Variants in CAMSAP1 observed in about 807,000 individuals in gnomAD.
The protein encoded by CAMSAP1 is calmodulin regulated spectrin associated protein 1.
A neutral mutation model predicts 143.5 loss-of-function variants in CAMSAP1; 58 were observed. The observed-to-expected ratio is 0.40, with a 90% CI of 0.33 to 0.50. CAMSAP1 has a LOEUF of 0.50. Ranked by LOEUF, CAMSAP1 falls within the 20% of genes least tolerant of loss-of-function variation. The probability of loss-of-function intolerance (pLI) is 0.45; values close to 1 mark genes in which losing one functional copy is unlikely to be tolerated. For missense variants in CAMSAP1, 1,969 were observed against 2,115.7 expected, an observed-to-expected ratio of 0.93 and a Z score of 1.36; for synonymous variants, 945 against 859.3, an observed-to-expected ratio of 1.10 and a Z score of -1.74.
chr9:135,835,781 C>T (rs770714927), intron 7 of CAMSAP1, among the ~76,000 whole-genome samples: 42 of 152,202 alleles, frequency 2.8e-4, no homozygotes, highest in Non-Finnish European at 4.7e-4. Context: ...GAGTTCTAGA[C>T]CAGCCTGGCC....
At chr9:135,893,781 G>A (rs1838362183) in intron 1 of CAMSAP1, among the ~76,000 whole-genome samples, 1 of 152,164 alleles carries the variant, frequency 6.6e-6, no homozygotes, top group South Asian at 2.1e-4. Context: ...GAAATCCAAA[G>A]ACAAAGAGAA....
chr9:135,833,078 C>CTTT (rs56081448), intron 7 of CAMSAP1, among the ~76,000 whole-genome samples: 3 of 96,528 alleles, frequency 3.1e-5, no homozygotes, highest in Non-Finnish European at 6.1e-5. Flanking sequence ...CCACAGTAAT[C>CTTT]TTTTTTTTTT....
intron 1 of CAMSAP1, among the ~76,000 whole-genome samples, chr9:135,888,281 G>A (rs956131683): frequency 2.6e-5 from 4 of 152,242 alleles, no homozygotes; most frequent in African/African-American, 9.6e-5. Context: ...TTACTGCAAT[G>A]AGGATGAAAA....
chr9:135,863,350 G>A (rs939686882), intron 4 of CAMSAP1, among the ~76,000 whole-genome samples: 1 of 152,200 alleles, frequency 6.6e-6, no homozygotes, highest in Non-Finnish European at 1.5e-5. Context: ...ACTGAGGGCA[G>A]GACACTCAGC....
At chr9:135,903,167 G>GTGCTA (rs1369434515) in intron 1 of CAMSAP1, among the ~76,000 whole-genome samples, 6 of 152,186 alleles carry the variant, frequency 3.9e-5, no homozygotes, top group Admixed American at 6.5e-5. Flanking sequence ...CTAGTCCAGC[G>GTGCTA]TGCTATGCGG....
intron 14 of CAMSAP1, among the ~76,000 whole-genome samples, chr9:135,816,958 G>A (rs1352467141): frequency 6.6e-6 from 1 of 152,160 alleles, no homozygotes; most frequent in Non-Finnish European, 1.5e-5. Context: ...GGGCCCACCT[G>A]AGAGGCTGCG....
At chr9:135,899,365 G>A (rs1489091568) in intron 1 of CAMSAP1, among the ~76,000 whole-genome samples, 2 of 150,954 alleles carry the variant, frequency 1.3e-5, no homozygotes, top group Non-Finnish European at 2.9e-5. Flanking sequence ...GAGACAGGAG[G>A]ATCTCTTGAG....
At position 135,818,734 on chromosome 9, in the gene CAMSAP1, G is replaced by A; in HGVS notation, c.3960-118C>T. The A allele has an allele frequency of 7.8e-7, 1 of 1,276,282 alleles. No homozygotes were observed. Among genetic ancestry groups the A allele is most frequent in the Non-Finnish European group, 1.1e-6 (1 of 939,724 alleles). The allele number at this position is 1,276,282 out of a possible 1,614,324, so 79.1% of individuals were successfully genotyped here. A position where few individuals can be genotyped will look rare whatever the true frequency, so the allele number is the denominator to read the frequency against. ...TTCTCCCCGGCCGCTGGGACCAAGA[G>A]TGGCCAGCCTCCACAAGCGGGACAC... On this transcript the variant is annotated intron_variant, in intron 12 of 16. Transcript: ENST00000389532. The surrounding 1 kb of genome is among the most constrained non-coding windows in gnomAD (Gnocchi z 7.7).
chr9:135,809,634 T>A lies in CAMSAP1; in HGVS notation c.*1675A>T, dbSNP rs1259305648. Reference sequence around the variant, plus strand: ...CATCTTAGTGCTTTCTTAAAATAAATACAGTAATATCATATCAAACATACA... The same window carrying A: ...CATCTTAGTGCTTTCTTAAAATAAAAACAGTAATATCATATCAAACATACA... On this transcript the variant is annotated 3_prime_UTR_variant, in exon 17 of 17. Transcript: ENST00000389532. 1 of 152,614 alleles carries A rather than the reference T, an allele frequency of 6.6e-6. No homozygotes were observed. Among genetic ancestry groups the A allele is most frequent in the African/African-American group, 2.4e-5 (1 of 41,430 alleles). 9.5% of individuals were successfully genotyped at this position (152,614 alleles called of 1,614,324 possible). A position where few individuals can be genotyped will look rare whatever the true frequency, so the allele number is the denominator to read the frequency against.
chr9:135,867,892 A>G (rs1837435246), intron 3 of CAMSAP1, among the ~76,000 whole-genome samples: 1 of 152,218 alleles, frequency 6.6e-6, no homozygotes, highest in Non-Finnish European at 1.5e-5. Context: ...CCCTGCAAAC[A>G]ACCCCAAGAC....
At chr9:135,813,162 C>T (rs564241103) in intron 16 of CAMSAP1, among the ~76,000 whole-genome samples, 44 of 152,204 alleles carry the variant, frequency 2.9e-4, no homozygotes, top group Non-Finnish European at 5.7e-4. Flanking sequence ...GAGGCCTTCC[C>T]AGGAATCTCA....
At chr9:135,897,878 G>T (rs564393557) in intron 1 of CAMSAP1, among the ~76,000 whole-genome samples, 13 of 152,292 alleles carry the variant, frequency 8.5e-5, no homozygotes, top group African/African-American at 2.9e-4. Flanking sequence ...GATAACAGGG[G>T]ACTACTATAT....
intron 7 of CAMSAP1, among the ~76,000 whole-genome samples, chr9:135,840,214 G>A (rs1836289067): frequency 6.6e-6 from 1 of 152,184 alleles, no homozygotes; most frequent in African/African-American, 2.4e-5. Flanking sequence ...GTTGGCAGTA[G>A]GACCCACTGC....
At chr9:135,865,578 T>A (rs144933061) in intron 4 of CAMSAP1, among the ~76,000 whole-genome samples, 99 of 152,348 alleles carry the variant, frequency 6.5e-4, no homozygotes, top group African/African-American at 2.4e-3. Context: ...ACAACACTAT[T>A]CTTTGCAGTA....
chr9:135,850,303 C>T lies in CAMSAP1; in HGVS notation c.948+19G>A, dbSNP rs748229753. On this transcript the variant is annotated intron_variant, in intron 6 of 16. Transcript: ENST00000389532. Reference sequence around the variant, plus strand: ...TCACACATGGTTTTAAAACTGCATGCCAAATAATTCGTTATTACCTTCAAC... The same window carrying T: ...TCACACATGGTTTTAAAACTGCATGTCAAATAATTCGTTATTACCTTCAAC... 6.2e-7 allele frequency: 1 copy of T among 1,610,088 alleles called. No homozygotes were observed. Among genetic ancestry groups the T allele is most frequent in the South Asian group, 1.1e-5 (1 of 90,352 alleles).
intron 15 of CAMSAP1, among the ~76,000 whole-genome samples, chr9:135,815,537 C>T (rs532124478): frequency 1.3e-5 from 2 of 152,360 alleles, no homozygotes; most frequent in Admixed American, 6.5e-5. Context: ...TACACCTCAG[C>T]CACAGCAGCA....
chr9:135,856,991 T>G (rs962666029), intron 5 of CAMSAP1, among the ~76,000 whole-genome samples: 2 of 152,200 alleles, frequency 1.3e-5, no homozygotes, highest in Non-Finnish European at 2.9e-5. Flanking sequence ...CCCAGTCATC[T>G]TCCTTCCAGG....
intron 3 of CAMSAP1, among the ~76,000 whole-genome samples, chr9:135,872,366 G>A (rs950724730): frequency 6.6e-6 from 1 of 151,964 alleles, no homozygotes; most frequent in African/African-American, 2.4e-5. Context: ...AGCCTGTGAC[G>A]GTCTAAAGAT....
rs754241814 is a variant in CAMSAP1, at chr9:135,850,429, C to A, written c.841G>T (p.Asp281Tyr). 1.9e-6 allele frequency: 3 copies of A among 1,599,542 alleles called. No individual in the cohort carries two copies. The highest frequency in any genetic ancestry group is 2.6e-6 in the Non-Finnish European group (3 of 1,175,856). Reference protein sequence around the residue: ...ICLKEVTSMADSLYNIRLLRE... With the variant: ...ICLKEVTSMAYSLYNIRLLRE... ...AGAAGCCGAATATTATACAGACTGTCGGCCATCGACGTTACCTCCTTTAAG... is the reference window on the plus strand; with the variant it reads ...AGAAGCCGAATATTATACAGACTGTAGGCCATCGACGTTACCTCCTTTAAG... The change falls in exon 6 of 17, where the codon GAC (aspartate) becomes TAC (tyrosine). Residue 281 changes from aspartate (D) to tyrosine (Y), a missense_variant. Transcript: ENST00000389532.
Sources: allele counts gnomAD v4.1 joint callset (sites outside exome capture counted in the v4.1 genomes callset), GRCh38; gene constraint gnomAD v4.1.1; non-coding constraint Gnocchi (gnomAD v3.1); transcripts MANE v1.5; gene names NCBI Gene and HGNC (gene_info 2026-07-23, HGNC 2026-07-21).